Variants in HHAT observed in about 807,000 individuals in gnomAD.
HHAT encodes hedgehog acyltransferase, also known as protein-cysteine N-palmitoyltransferase HHAT.
In HHAT, 47 loss-of-function variants were observed where a neutral mutation model predicts 70.8. The observed-to-expected ratio is 0.66, with a 90% CI of 0.53 to 0.85. The LOEUF (loss-of-function observed/expected upper bound fraction) is 0.85. HHAT is among the 40% of genes least tolerant of loss of function. The pLI is 0.00. For missense variants in HHAT, 609 were observed against 604.8 expected (o/e 1.01, Z -0.07); for synonymous variants, 228 against 247.6 (o/e 0.92, Z 0.74).
At chr1:210,638,313 G>A (rs1488460671) in intron 11 of HHAT, among the ~76,000 whole-genome samples, 2 of 152,200 alleles carry the variant, frequency 1.3e-5, no homozygotes. Flanking sequence ...ATGATATGTG[G>A]CATATCCATA....
chr1:210,563,806 CT>C (rs2095645124), intron 9 of HHAT, among the ~76,000 whole-genome samples: 1 of 152,202 alleles, frequency 6.6e-6, no homozygotes, highest in South Asian at 2.1e-4. Context: ...CACTTCAGCT[CT>C]TTTCTCTTCC....
intron 8 of HHAT, among the ~76,000 whole-genome samples, chr1:210,501,541 C>G (rs1324518136): frequency 6.6e-6 from 1 of 152,236 alleles, no homozygotes; most frequent in East Asian, 1.9e-4. Context: ...TCTTGGCTGC[C>G]TGCAGCACCA....
intron 7 of HHAT, among the ~76,000 whole-genome samples, chr1:210,436,631 G>C (rs1169860662): frequency 6.6e-6 from 1 of 151,600 alleles, no homozygotes; most frequent in Non-Finnish European, 1.5e-5. Context: ...CTTAACTCTG[G>C]TGTGATCCAA....
At chr1:210,408,914 T>A (rs2092431082) in intron 6 of HHAT, among the ~76,000 whole-genome samples, 1 of 152,148 alleles carries the variant, frequency 6.6e-6, no homozygotes, top group Non-Finnish European at 1.5e-5. Flanking sequence ...CAGGTTGGAG[T>A]GCAATGGTGC....
At chr1:210,429,631 G>A (rs531313440) in intron 7 of HHAT, among the ~76,000 whole-genome samples, 7 of 151,544 alleles carry the variant, frequency 4.6e-5, no homozygotes, top group South Asian at 2.1e-4. Flanking sequence ...ATAGAATGCC[G>A]TATGCTTCAT....
chr1:210,641,414 A>G (rs139661310), intron 11 of HHAT, among the ~76,000 whole-genome samples: 96 of 152,300 alleles, frequency 6.3e-4, no homozygotes, highest in Non-Finnish European at 6.9e-4. Context: ...CCTGTTATCT[A>G]TTAGGTTGGT....
At chr1:210,374,160 C>G (rs754179472) in intron 3 of HHAT, 1 of 152,130 alleles carries the variant, frequency 6.6e-6, no homozygotes, top group African/African-American at 2.4e-5. Context: ...TGATCTGCCT[C>G]CCCAGGGCAA....
At chr1:210,395,369 A>G (rs1335022952) in intron 4 of HHAT, among the ~76,000 whole-genome samples, 1 of 152,172 alleles carries the variant, frequency 6.6e-6, no homozygotes, top group Non-Finnish European at 1.5e-5. Context: ...CCTTATGAAG[A>G]AGGTTAAGAG....
At chr1:210,583,079 A>T (rs1028691630) in intron 9 of HHAT, among the ~76,000 whole-genome samples, 1 of 152,206 alleles carries the variant, frequency 6.6e-6, no homozygotes, top group Admixed American at 6.5e-5. Context: ...TACCTCTCCT[A>T]TATAAAATAG....
rs550516702 is a variant in HHAT, at chr1:210,477,823, T to C, written c.1007+13168T>C. The stretch of plus-strand genomic sequence containing the variant: ...CTTCAGCTGGGAGTGGGGAACAGGG[T>C]TGTCATTAGGAGACTAAGGGAAATG... On this transcript the variant is annotated intron_variant, in intron 8 of 11. Transcript: ENST00000261458. Among the ~76,000 whole-genome samples, 7 of 152,258 alleles carry C rather than the reference T, an allele frequency of 4.6e-5. No homozygotes were observed. In the East Asian group the frequency reaches 1.3e-3, roughly 29 times the overall value.
intron 11 of HHAT, among the ~76,000 whole-genome samples, chr1:210,626,479 A>C (rs1669862791): frequency 6.6e-6 from 1 of 152,156 alleles, no homozygotes; most frequent in African/African-American, 2.4e-5. Flanking sequence ...TTTCTATGTC[A>C]GTGATTATCC....
intron 9 of HHAT, among the ~76,000 whole-genome samples, chr1:210,576,159 A>T (rs75351989): frequency 0.013 from 1,943 of 152,168 alleles, 46 homozygotes; most frequent in African/African-American, 0.043. Flanking sequence ...CATTTTTAGG[A>T]CTAATGGTTT....
In HHAT at chr1:210,431,390, C is replaced by T. The variant is rs142463139; in HGVS notation, c.856+13065C>T. ...CAGGGTAAAGACATGCACGACCGCT[C>T]GCCCATTTTTCTGCTCTTGCTTTAT... On this transcript the variant is annotated intron_variant, in intron 7 of 11. Coordinates refer to ENST00000261458, the MANE Select transcript of HHAT (RefSeq NM_018194.6). Among the ~76,000 whole-genome samples, 94 of 151,844 alleles carry T rather than the reference C, an allele frequency of 6.2e-4. 1 individual carries two copies. In the East Asian group the frequency reaches 0.01, roughly 17 times the overall value.
intron 10 of HHAT, among the ~76,000 whole-genome samples, chr1:210,618,174 G>A (rs1026618750): frequency 3.9e-5 from 6 of 152,328 alleles, no homozygotes; most frequent in African/African-American, 1.4e-4. Flanking sequence ...CTACAGGTTG[G>A]CACAGAGATG....
chr1:210,425,900 G>C (rs112406188), intron 7 of HHAT, among the ~76,000 whole-genome samples: 4,328 of 152,204 alleles, frequency 0.028, 212 homozygotes, highest in African/African-American at 0.1. Context: ...TAGTTTGATA[G>C]GAATAGCATT....
At chr1:210,341,216 A>G (rs1463864960) in intron 1 of HHAT, among the ~76,000 whole-genome samples, 1 of 152,174 alleles carries the variant, frequency 6.6e-6, no homozygotes, top group African/African-American at 2.4e-5. Context: ...TAGCTTAATG[A>G]TGAGAGCTGT....
intron 2 of HHAT, among the ~76,000 whole-genome samples, chr1:210,352,151 T>C (rs1276085693): frequency 1.3e-5 from 2 of 152,186 alleles, no homozygotes; most frequent in African/African-American, 4.8e-5. Context: ...AGGGGTTCCT[T>C]TGCGGATAGT....
At chr1:210,354,195 CTTTTTTTT>C (rs71146220) in intron 2 of HHAT, among the ~76,000 whole-genome samples, 10 of 102,614 alleles carry the variant, frequency 9.7e-5, no homozygotes, top group South Asian at 9.3e-4. Flanking sequence ...AACATAATGT[CTTTTTTTT>C]TTTTTTTTTT....
intron 3 of HHAT, among the ~76,000 whole-genome samples, chr1:210,374,430 T>G (rs957915605): frequency 1.3e-5 from 2 of 152,220 alleles, no homozygotes; most frequent in Non-Finnish European, 2.9e-5. Context: ...AAATATTCTT[T>G]TAAGCTTTAA....
Sources: allele counts gnomAD v4.1 joint callset (sites outside exome capture counted in the v4.1 genomes callset), GRCh38; gene constraint gnomAD v4.1.1; transcripts MANE v1.5; gene names NCBI Gene and HGNC (gene_info 2026-07-23, HGNC 2026-07-21).